ABCD3: variants seen among roughly 807,000 people sequenced by gnomAD.
ABCD3 encodes the protein ATP binding cassette subfamily D member 3, also known as ATP-binding cassette sub-family D member 3.
In ABCD3, 41 loss-of-function variants were observed where a neutral mutation model predicts 105.5. The ratio of observed to expected loss-of-function variants is 0.39; its 90% confidence interval spans 0.30 to 0.50. The LOEUF (loss-of-function observed/expected upper bound fraction) is 0.50. Ranked by LOEUF, ABCD3 falls within the 20% of genes least tolerant of loss-of-function variation. ABCD3 has a pLI of 0.84. For synonymous variants in ABCD3, 258 were observed against 269.0 expected (o/e 0.96, Z 0.40); for missense variants, 622 against 806.3 (o/e 0.77, Z 2.77).
At chr1:94,388,978 C>T in the ABCD3 span, among the ~76,000 whole-genome samples, 2 of 152,068 alleles carry the variant, frequency 1.3e-5, no homozygotes, top group African/African-American at 4.8e-5. Context: ...AAAAGCATTT[C>T]TCCACTGGCT....
In ABCD3 at chr1:94,440,380, C is replaced by G. The variant is rs184967332; in HGVS notation, c.111-18227C>G. Among the ~76,000 whole-genome samples, 272 of 152,258 alleles carry G rather than the reference C, an allele frequency of 1.8e-3. 1 individual carries two copies. Among genetic ancestry groups the G allele is most frequent in the Middle Eastern group, 3.4e-3 (1 of 294 alleles). On this transcript the variant is annotated intron_variant, in intron 1 of 22. Transcript: ENST00000370214. ...GGCTGTTTCTTTCTTACCCTTTGTT[C>G]CTATGGTCTCACATAGTATTCTGTT... is the stretch of plus-strand genomic sequence containing the variant.
At chr1:94,405,855 C>A in the ABCD3 span, among the ~76,000 whole-genome samples, 1 of 152,000 alleles carries the variant, frequency 6.6e-6, no homozygotes, top group East Asian at 1.9e-4. Context: ...ATGTAGGCTG[C>A]AAATGTTTTC....
intron 1 of ABCD3, among the ~76,000 whole-genome samples, chr1:94,456,227 G>C (rs940688515): frequency 6.7e-5 from 9 of 133,728 alleles, no homozygotes; most frequent in Non-Finnish European, 1.4e-4. Flanking sequence ...ATGTCCCCCG[G>C]TTCATCCATG....
At chr1:94,466,046 C>G (rs1053581287) in intron 3 of ABCD3, among the ~76,000 whole-genome samples, 1 of 152,086 alleles carries the variant, frequency 6.6e-6, no homozygotes, top group African/African-American at 2.4e-5. Flanking sequence ...GATGATTCTG[C>G]CCTTGAGAAA....
intron 20 of ABCD3, among the ~76,000 whole-genome samples, chr1:94,502,881 G>C (rs1650166812): frequency 6.6e-6 from 1 of 152,126 alleles, no homozygotes; most frequent in Non-Finnish European, 1.5e-5. Flanking sequence ...TGGTGGTGGG[G>C]GCTTTGTCAG....
chr1:94,438,037 C>T (rs983216418), intron 1 of ABCD3, among the ~76,000 whole-genome samples: 9 of 151,902 alleles, frequency 5.9e-5, no homozygotes, highest in Non-Finnish European at 8.8e-5. Flanking sequence ...ACCTCTAATC[C>T]CAGCACTTTG....
At chr1:94,515,307 A>C (rs568005541) in intron 22 of ABCD3, 105 bp downstream of exon 22, 1 of 929,932 alleles carries the variant, frequency 1.1e-6, no homozygotes, top group African/African-American at 1.6e-5. Context: ...TCCCTTAAAC[A>C]TATGTCTTAA....
chr1:94,515,225 G>A, intron 22 of ABCD3, 23 bp downstream of exon 22: 1 of 1,571,700 alleles, frequency 6.4e-7, no homozygotes, highest in Non-Finnish European at 8.7e-7. Flanking sequence ...TTCATTGAAT[G>A]GTACAGTGAA....
Position 94,517,280 on chromosome 1 carries a change from A to G in ABCD3, c.*151A>G. 1.6e-6 allele frequency: 1 copy of G among 625,618 alleles called. No homozygotes were observed. Among genetic ancestry groups the G allele is most frequent in the African/African-American group, 1.9e-5 (1 of 53,814 alleles). The allele number at this position is 625,618 out of a possible 1,614,324, so 38.8% of individuals were successfully genotyped here. A position where few individuals can be genotyped will look rare whatever the true frequency, so the allele number is the denominator to read the frequency against. ...ACTAGATACAGAATAATGGAGAACA[A>G]GTTGTTAAAACATTTAATATTATAT... On this transcript the variant is annotated 3_prime_UTR_variant, in exon 23 of 23. Transcript: ENST00000370214.
chr1:94,397,583 G>A, the ABCD3 span, among the ~76,000 whole-genome samples: 1 of 152,164 alleles, frequency 6.6e-6, no homozygotes, highest in African/African-American at 2.4e-5. Context: ...ATCATGTCAA[G>A]GACACATGAT....
At chr1:94,390,544 C>A in the ABCD3 span, among the ~76,000 whole-genome samples, 7 of 152,064 alleles carry the variant, frequency 4.6e-5, no homozygotes, top group South Asian at 1.0e-3. Flanking sequence ...CTAGGGTGAT[C>A]CACCCACCCC....
chr1:94,459,763 C>A (rs1230786318), intron 2 of ABCD3, among the ~76,000 whole-genome samples: 1 of 152,150 alleles, frequency 6.6e-6, no homozygotes, highest in Non-Finnish European at 1.5e-5. Context: ...GCAGTCATTC[C>A]TTATTACCCT....
chr1:94,516,184 T>C (rs966421898), intron 22 of ABCD3, among the ~76,000 whole-genome samples: 5 of 151,944 alleles, frequency 3.3e-5, no homozygotes, highest in South Asian at 4.1e-4. Flanking sequence ...CACCAAAGTT[T>C]CTAGCCTCAG....
chr1:94,391,283 G>A, the ABCD3 span, among the ~76,000 whole-genome samples: 8 of 152,092 alleles, frequency 5.3e-5, no homozygotes, highest in African/African-American at 1.9e-4. Context: ...AGTGATTGCT[G>A]GTTTTGGCCA....
chr1:94,453,106 A>G (rs938422759), intron 1 of ABCD3, among the ~76,000 whole-genome samples: 6 of 152,102 alleles, frequency 3.9e-5, no homozygotes, highest in African/African-American at 1.4e-4. Flanking sequence ...AGCAAAAATA[A>G]TGTGGAAGCT....
chr1:94,510,940 T>C (rs1650638959), intron 21 of ABCD3, among the ~76,000 whole-genome samples: 1 of 152,182 alleles, frequency 6.6e-6, no homozygotes, highest in Admixed American at 6.5e-5. Flanking sequence ...CTTGACTCCT[T>C]ATCCAATTTG....
At chr1:94,512,942 A>G (rs190771232) in intron 21 of ABCD3, among the ~76,000 whole-genome samples, 253 of 152,220 alleles carry the variant, frequency 1.7e-3, no homozygotes, top group African/African-American at 6.0e-3. Flanking sequence ...CTACTATTCC[A>G]AGTGTGTTCA....
intron 5 of ABCD3, among the ~76,000 whole-genome samples, chr1:94,474,110 C>G (rs988258768): frequency 6.8e-6 from 1 of 147,790 alleles, no homozygotes; most frequent in Non-Finnish European, 1.5e-5. Context: ...TTTTAACCTT[C>G]AGTCCAGGTT....
chr1:94,391,792 C>A, the ABCD3 span, among the ~76,000 whole-genome samples: 1 of 152,154 alleles, frequency 6.6e-6, no homozygotes, highest in Non-Finnish European at 1.5e-5. Flanking sequence ...AAAGTTACAT[C>A]CTGTGCAAAC....
Sources: allele counts gnomAD v4.1 joint callset (sites outside exome capture counted in the v4.1 genomes callset), GRCh38; gene constraint gnomAD v4.1.1; transcripts MANE v1.5; gene names NCBI Gene and HGNC (gene_info 2026-07-23, HGNC 2026-07-21).